GBF1: variants seen among roughly 807,000 people sequenced by gnomAD.
The protein encoded by GBF1 is Golgi-specific brefeldin A-resistance guanine nucleotide exchange factor 1.
In GBF1, 114 loss-of-function variants were observed where a neutral mutation model predicts 210.5. That is an observed-to-expected ratio of 0.54 (90% confidence interval 0.47 to 0.63). The LOEUF (loss-of-function observed/expected upper bound fraction) is 0.63. Among genes scored for constraint, GBF1 ranks in the 30% least tolerant of loss-of-function variants. GBF1 has a pLI of 0.00. For missense variants in GBF1, 1,851 were observed against 2,357.7 expected, an observed-to-expected ratio of 0.79 and a Z score of 4.45; for synonymous variants, 850 against 889.2, an observed-to-expected ratio of 0.96 and a Z score of 0.78.
At chr10:102,375,167 C>G (rs1446780655) in intron 29 of GBF1, among the ~76,000 whole-genome samples, 192 bp from the exon 30 acceptor site, 3 of 151,266 alleles carry the variant, frequency 2.0e-5, no homozygotes, top group Admixed American at 1.3e-4. Context: ...GACCAAGACC[C>G]TGTCTCAAAT....
chr10:102,232,059 C>T, the GBF1 span: 1 of 1,601,708 alleles, frequency 6.2e-7, no homozygotes, highest in East Asian at 2.2e-5. Context: ...GCCTCTGCCT[C>T]GCTGAGCAGG....
chr10:102,359,859 G>A (rs1408586191), intron 11 of GBF1, among the ~76,000 whole-genome samples: 1 of 151,184 alleles, frequency 6.6e-6, no homozygotes, highest in Non-Finnish European at 1.5e-5. Context: ...GACTTCCTGG[G>A]TTCAAGCAAT....
chr10:102,371,827 G>T lies in GBF1; in HGVS notation c.3660+967G>T, dbSNP rs577378765. Among the ~76,000 whole-genome samples, 58 of 152,144 alleles carry T rather than the reference G, an allele frequency of 3.8e-4. 1 individual carries two copies. The highest frequency in any genetic ancestry group is 1.0e-3 in the South Asian group (5 of 4,808). ...ACCTGTAATCCTAGCTACTTGGGAGGCTGAGGCAGGAGAATCGCTTGAACT... is the reference window on the plus strand; with the variant it reads ...ACCTGTAATCCTAGCTACTTGGGAGTCTGAGGCAGGAGAATCGCTTGAACT... On this transcript the variant is annotated intron_variant, in intron 29 of 39. Transcript: ENST00000369983.
chr10:102,315,781 C>T (rs184223441), intron 3 of GBF1, among the ~76,000 whole-genome samples: 2 of 152,254 alleles, frequency 1.3e-5, no homozygotes, highest in Non-Finnish European at 2.9e-5. Flanking sequence ...TGGTCCATGG[C>T]CTTGGGGTTG....
At chr10:102,375,671 G>A (rs567643996) in intron 30 of GBF1, 87 bp downstream of exon 30, 2 of 830,258 alleles carry the variant, frequency 2.4e-6, no homozygotes, top group East Asian at 5.3e-5. Context: ...ACAGGTTACT[G>A]TGTTCAGCAG....
In GBF1 at chr10:102,377,047, C is replaced by G; in HGVS notation, c.4401C>G (p.Ser1467Arg). The G allele has an allele frequency of 1.2e-6, 2 of 1,614,110 alleles. No individual in the cohort carries two copies. Among genetic ancestry groups the G allele is most frequent in the Non-Finnish European group, 1.7e-6 (2 of 1,179,978 alleles). The change falls in exon 33 of 40, where the codon AGC becomes AGG. Residue 1467 changes from serine to arginine, a missense_variant. By Grantham distance (110) the Ser-to-Arg change is moderately radical. Around this residue, in one of 3 missense-constraint regions of GBF1, gnomAD observed 967 missense variants for 1,247.7 expected, o/e 0.78. Transcript: ENST00000369983. ...GSMLRRPRTS[S>R]QHASRGGQSD... is the part of the protein sequence containing the mutation. ...TGCTTCGCCGGCCTCGAACCTCCAG[C>G]CAACATGCCTCTCGGGGCGGGCAGA...
chr10:102,353,474 T>C (rs1235679601), intron 7 of GBF1, 126 bp from the exon 8 acceptor site: 1 of 740,478 alleles, frequency 1.4e-6, no homozygotes, highest in African/African-American at 1.8e-5. Flanking sequence ...AGTCTGCTTC[T>C]CTTTTGTAGC....
chr10:102,288,278 A>G (rs904806100), intron 3 of GBF1, among the ~76,000 whole-genome samples: 1 of 152,200 alleles, frequency 6.6e-6, no homozygotes, highest in Non-Finnish European at 1.5e-5. Flanking sequence ...GTGCAAATGA[A>G]CTAGACTGAC....
the GBF1 span, among the ~76,000 whole-genome samples, chr10:102,238,114 C>T: frequency 7.9e-5 from 12 of 152,140 alleles, no homozygotes; most frequent in Non-Finnish European, 1.3e-4. Context: ...AAAGTTATTC[C>T]TCTCTGTCTT....
At chr10:102,336,872 A>G (rs1455150081) in intron 3 of GBF1, among the ~76,000 whole-genome samples, 1 of 152,170 alleles carries the variant, frequency 6.6e-6, no homozygotes, top group Non-Finnish European at 1.5e-5. Context: ...TTTGTAGGGT[A>G]TGGTTTAATC....
chr10:102,380,600 C>G lies in GBF1; in HGVS notation c.5087C>G (p.Ser1696Trp). Residue 1696 changes from serine to tryptophan, a missense_variant, in exon 38 of 40, where the codon TCG (serine) becomes TGG (tryptophan). Transcript: ENST00000369983. Reference sequence around the variant, plus strand: ...GCAGATGCACGGGGAGGCGGCCCCTCGGCCCTCTGGGAGATCACCTGGGAA... The same window carrying G: ...GCAGATGCACGGGGAGGCGGCCCCTGGGCCCTCTGGGAGATCACCTGGGAA... ...HSADARGGGP[S>W]ALWEITWERI... 5 of 1,613,984 alleles carry G rather than the reference C, an allele frequency of 3.1e-6. No homozygotes were observed. Among genetic ancestry groups the G allele is most frequent in the South Asian group, 1.1e-5 (1 of 91,074 alleles).
intron 3 of GBF1, among the ~76,000 whole-genome samples, chr10:102,262,957 G>A (rs1365887841): frequency 6.6e-6 from 1 of 152,216 alleles, no homozygotes; most frequent in Non-Finnish European, 1.5e-5. Flanking sequence ...AGGGAAGGGA[G>A]TAGTGTTTTC....
chr10:102,352,848 TG>T (rs903007715), intron 7 of GBF1, among the ~76,000 whole-genome samples: 3 of 152,152 alleles, frequency 2.0e-5, no homozygotes, highest in African/African-American at 7.2e-5. Flanking sequence ...ATGATTTCTG[TG>T]GGAGAGGGCC....
intron 9 of GBF1, 113 bp downstream of exon 9, chr10:102,358,299 A>G: frequency 2.0e-6 from 2 of 1,010,654 alleles, no homozygotes; most frequent in Non-Finnish European, 3.0e-6. Flanking sequence ...TGGCGCTGAG[A>G]ACAAAAAGGG....
chr10:102,381,400 C>G, intron 39 of GBF1, 145 bp downstream of exon 39: 1 of 756,268 alleles, frequency 1.3e-6, no homozygotes, highest in Non-Finnish European at 2.1e-6. Flanking sequence ...GCCGCTCTTC[C>G]CATGGGAAAT....
intron 3 of GBF1, among the ~76,000 whole-genome samples, chr10:102,309,043 C>A (rs1353097772): frequency 6.6e-6 from 1 of 152,052 alleles, no homozygotes; most frequent in African/African-American, 2.4e-5. Context: ...TTTCTGGGTC[C>A]TAATAGTGCT....
intron 4 of GBF1, among the ~76,000 whole-genome samples, chr10:102,347,996 G>A (rs1318652015): frequency 2.6e-5 from 4 of 152,116 alleles, no homozygotes; most frequent in African/African-American, 7.2e-5. Flanking sequence ...GAGTGCACTG[G>A]TGTGATCTTG....
intron 3 of GBF1, among the ~76,000 whole-genome samples, chr10:102,336,931 T>A (rs1186604336): frequency 6.6e-6 from 1 of 152,192 alleles, no homozygotes; most frequent in Non-Finnish European, 1.5e-5. Context: ...AAACTGCTGC[T>A]TATACACAAA....
At chr10:102,370,110 C>T in intron 26 of GBF1, 64 bp from the exon 27 acceptor site, 1 of 1,517,800 alleles carries the variant, frequency 6.6e-7, no homozygotes. Context: ...CCCCCTGGCT[C>T]TTGGGGACAT....
Sources: gnomAD v4.1 joint callset for allele counts (sites outside exome capture counted in the v4.1 genomes callset) on GRCh38, gnomAD v4.1.1 for gene constraint, gnomAD v4.1.1 regional missense constraint, MANE v1.5 for transcripts, NCBI Gene and HGNC (gene_info 2026-07-23, HGNC 2026-07-21) for gene names.